Variants in CLSTN2 observed in about 807,000 individuals in gnomAD.
The protein encoded by CLSTN2 is calsyntenin-2.
CLSTN2 carries 48 observed loss-of-function variants against 101.2 expected under a neutral mutation model. The ratio of observed to expected loss-of-function variants is 0.47; its 90% CI spans 0.38 to 0.60. CLSTN2 has a LOEUF of 0.60. Among genes scored for constraint, CLSTN2 ranks in the 20% least tolerant of loss-of-function variants. CLSTN2 has a pLI of 0.00. For missense variants in CLSTN2, 1,160 were observed against 1,238.2 expected, an observed-to-expected ratio of 0.94 and a Z score of 0.95; for synonymous variants, 481 against 463.6, an observed-to-expected ratio of 1.04 and a Z score of -0.48.
intron 1 of CLSTN2, among the ~76,000 whole-genome samples, chr3:140,113,538 CCTTT>C (rs2009190483): frequency 1.3e-5 from 2 of 152,328 alleles, no homozygotes; most frequent in South Asian, 4.1e-4. Context: ...CCTTTCTGCC[CCTTT>C]CTAACTGTGT....
intron 2 of CLSTN2, among the ~76,000 whole-genome samples, chr3:140,303,031 C>A (rs1173827509): frequency 2.6e-5 from 4 of 152,084 alleles, no homozygotes; most frequent in Admixed American, 2.6e-4. Flanking sequence ...AAGGTCCCTG[C>A]CCTTGAAGAG....
chr3:140,499,237 T>C (rs1233684683), intron 8 of CLSTN2, among the ~76,000 whole-genome samples: 1 of 152,194 alleles, frequency 6.6e-6, no homozygotes, highest in South Asian at 2.1e-4. Context: ...ACAGAGTTTG[T>C]CATCTGAAGA....
chr3:140,185,752 C>T (rs1433132670), intron 2 of CLSTN2, among the ~76,000 whole-genome samples: 1 of 152,120 alleles, frequency 6.6e-6, no homozygotes. Context: ...ATAACATGCT[C>T]AAACTGCAGT....
intron 9 of CLSTN2, among the ~76,000 whole-genome samples, chr3:140,543,563 A>G (rs2107785324): frequency 6.6e-6 from 1 of 152,300 alleles, no homozygotes; most frequent in South Asian, 2.1e-4. Context: ...CAGGCTGAGA[A>G]CGTCCCAAGG....
chr3:140,241,858 C>CACACATATATATATACAT (rs2086470738), intron 2 of CLSTN2, among the ~76,000 whole-genome samples: 3 of 136,036 alleles, frequency 2.2e-5, no homozygotes, highest in Admixed American at 7.3e-5. Flanking sequence ...TATATATACA[C>CACACATATATATATACAT]ATATATATAC....
chr3:140,184,912 A>C (rs551864750), intron 2 of CLSTN2, among the ~76,000 whole-genome samples: 3 of 152,196 alleles, frequency 2.0e-5, no homozygotes, highest in East Asian at 3.9e-4. Flanking sequence ...ACACCATGGG[A>C]AGGAAAACTC....
chr3:140,120,561 G>A (rs564943692), intron 1 of CLSTN2, among the ~76,000 whole-genome samples: 1 of 152,286 alleles, frequency 6.6e-6, no homozygotes, highest in Admixed American at 6.5e-5. Flanking sequence ...CAGAGGTTGG[G>A]GAATGGGGCT....
chr3:140,049,558 G>C (rs2007949767), intron 1 of CLSTN2, among the ~76,000 whole-genome samples: 1 of 152,152 alleles, frequency 6.6e-6, no homozygotes, highest in South Asian at 2.1e-4. Flanking sequence ...TGACACACAT[G>C]AGCAATGAGG....
At chr3:140,389,295 A>G (rs1223682921) in intron 2 of CLSTN2, among the ~76,000 whole-genome samples, 1 of 151,954 alleles carries the variant, frequency 6.6e-6, no homozygotes, top group African/African-American at 2.4e-5. Context: ...CCCTCCTCCC[A>G]CACCCCTGAC....
At chr3:140,160,807 G>A (rs1017750320) in intron 1 of CLSTN2, among the ~76,000 whole-genome samples, 2 of 152,040 alleles carry the variant, frequency 1.3e-5, no homozygotes, top group Admixed American at 6.6e-5. Context: ...TACCACAATA[G>A]CTTTCAAAAT....
At chr3:140,234,547 G>A (rs2086399790) in intron 2 of CLSTN2, among the ~76,000 whole-genome samples, 1 of 152,126 alleles carries the variant, frequency 6.6e-6, no homozygotes, top group Admixed American at 6.5e-5. Context: ...ACAGTGTTTG[G>A]TTTATTTTAA....
intron 1 of CLSTN2, among the ~76,000 whole-genome samples, chr3:140,175,552 G>A (rs933190408): frequency 2.0e-5 from 3 of 152,130 alleles, no homozygotes; most frequent in African/African-American, 4.8e-5. Flanking sequence ...GAGTGACAAA[G>A]CACTTTAACT....
chr3:140,317,384 T>A (rs373228900), intron 2 of CLSTN2, among the ~76,000 whole-genome samples: 15 of 152,070 alleles, frequency 9.9e-5, no homozygotes, highest in African/African-American at 3.4e-4. Context: ...AGGGAGTGAG[T>A]CTTCAGCAGC....
intron 9 of CLSTN2, 72 bp from the exon 10 acceptor site, chr3:140,546,443 G>T: frequency 6.7e-7 from 1 of 1,503,500 alleles, no homozygotes; most frequent in South Asian, 1.3e-5. Flanking sequence ...TGGCTGCATG[G>T]CCAAGTGGTG....
chr3:140,031,931 C>T (rs1280010992), intron 1 of CLSTN2, among the ~76,000 whole-genome samples: 1 of 152,156 alleles, frequency 6.6e-6, no homozygotes, highest in Non-Finnish European at 1.5e-5. Context: ...TCGGACCTCA[C>T]AACCCTTCCG....
chr3:140,531,396 A>T (rs1399730059), intron 8 of CLSTN2, among the ~76,000 whole-genome samples: 1 of 152,236 alleles, frequency 6.6e-6, no homozygotes, highest in Non-Finnish European at 1.5e-5. Flanking sequence ...TCTGTTCATG[A>T]GAAACAGCAT....
intron 2 of CLSTN2, among the ~76,000 whole-genome samples, chr3:140,216,902 G>A (rs751332676): frequency 6.6e-6 from 1 of 152,150 alleles, no homozygotes; most frequent in East Asian, 1.9e-4. Flanking sequence ...CATATGCCAG[G>A]CTCTGTCATA....
At chr3:140,293,320 C>T (rs560930915) in intron 2 of CLSTN2, among the ~76,000 whole-genome samples, 1 of 152,242 alleles carries the variant, frequency 6.6e-6, no homozygotes, top group East Asian at 1.9e-4. Flanking sequence ...CTTAGTAGGC[C>T]TAGCTTGAGC....
chr3:140,560,772 G>A (rs1935895998), intron 12 of CLSTN2, among the ~76,000 whole-genome samples: 2 of 152,146 alleles, frequency 1.3e-5, no homozygotes, highest in Non-Finnish European at 1.5e-5. Context: ...GCCACAGCGG[G>A]AGGTAGGAAC....
Sources: gnomAD v4.1 joint callset for allele counts (sites outside exome capture counted in the v4.1 genomes callset) on GRCh38, gnomAD v4.1.1 for gene constraint, MANE v1.5 for transcripts, NCBI Gene and HGNC (gene_info 2026-07-23, HGNC 2026-07-21) for gene names.